POLA1: variants seen among roughly 807,000 people sequenced by gnomAD.
The protein encoded by POLA1 is DNA polymerase alpha 1, catalytic subunit.
A neutral mutation model predicts 124.0 loss-of-function variants in POLA1; 15 were observed. That is an observed-to-expected ratio of 0.12 (90% CI 0.08 to 0.19). The LOEUF is 0.19. POLA1 is among the 10% of genes least tolerant of loss of function. The pLI is 1.00. For synonymous variants in POLA1, 408 were observed against 389.4 expected (o/e 1.05, Z -0.56); for missense variants, 886 against 1,103.4 (o/e 0.80, Z 2.79).
intron 34 of POLA1, among the ~76,000 whole-genome samples, chrX:24,883,440 G>A (rs753369771): frequency 1.8e-5 from 2 of 112,147 alleles, no homozygotes; most frequent in South Asian, 3.8e-4. Flanking sequence ...TGTGTTTAAG[G>A]TGCAACTACT....
intron 32 of POLA1, among the ~76,000 whole-genome samples, chrX:24,839,497 C>G (rs2046383862): frequency 9.0e-6 from 1 of 111,656 alleles, no homozygotes; most frequent in Non-Finnish European, 1.9e-5. Flanking sequence ...ACAAGATGGC[C>G]CACACCCACT....
At chrX:24,804,995 A>T (rs2045774856) in intron 26 of POLA1, among the ~76,000 whole-genome samples, 1 of 111,465 alleles carries the variant, frequency 9.0e-6, no homozygotes, top group African/African-American at 3.3e-5. Flanking sequence ...TGAACACATT[A>T]TTTTCTTTAG....
At chrX:24,835,982 A>G (rs1002674595) in intron 32 of POLA1, among the ~76,000 whole-genome samples, 4 of 111,733 alleles carry the variant, frequency 3.6e-5, no homozygotes, top group Non-Finnish European at 7.5e-5. Flanking sequence ...CAAGGTCATC[A>G]TGCACTAGTG....
At chrX:24,971,296 C>T (rs1485057091) in intron 36 of POLA1, among the ~76,000 whole-genome samples, 1 of 112,054 alleles carries the variant, frequency 8.9e-6, no homozygotes, top group Non-Finnish European at 1.9e-5. Context: ...CCGGGATGCC[C>T]CTTACACCTG....
intron 34 of POLA1, among the ~76,000 whole-genome samples, chrX:24,853,445 C>T (rs1439773830): frequency 8.9e-6 from 1 of 111,880 alleles, no homozygotes; most frequent in Non-Finnish European, 1.9e-5. Context: ...AGATCATTTA[C>T]CCATGCATGA....
chrX:24,782,012 G>A (rs2045274954), intron 26 of POLA1, among the ~76,000 whole-genome samples: 1 of 111,546 alleles, frequency 9.0e-6, no homozygotes, highest in African/African-American at 3.3e-5. Flanking sequence ...AGGCACAGGA[G>A]GTTCAGTGGT....
At chrX:24,862,829 A>G (rs1477233367) in intron 34 of POLA1, among the ~76,000 whole-genome samples, 2 of 112,431 alleles carry the variant, frequency 1.8e-5, no homozygotes, top group Non-Finnish European at 3.8e-5. Context: ...TAATGGATGA[A>G]TGAATGAGTC....
At chrX:24,876,023 A>C (rs971777621) in intron 34 of POLA1, among the ~76,000 whole-genome samples, 4 of 112,362 alleles carry the variant, frequency 3.6e-5, no homozygotes, top group Non-Finnish European at 7.5e-5. Context: ...CCTGAGTAAA[A>C]AATTCTGATA....
chrX:24,737,739 G>C lies in POLA1; in HGVS notation c.2038G>C (p.Gly680Arg), dbSNP rs749750264. 17 of 1,011,236 alleles carry C rather than the reference G, an allele frequency of 1.7e-5. No homozygotes were observed. The East Asian group carries it at 5.2e-4, about 31-fold the overall frequency. The allele number at this position is 1,011,236 out of a possible 1,213,427, so 83.3% of individuals were successfully genotyped here. A position where few individuals can be genotyped will look rare whatever the true frequency, so the allele number is the denominator to read the frequency against. The change falls in exon 19 of 37, where the codon GGG (glycine) becomes CGG (arginine). Residue 680 changes from glycine (G) to arginine (R), a missense_variant and splice_region_variant. Gly to Arg is a moderately radical substitution (Grantham distance 125). Coordinates refer to ENST00000379068, the MANE Select transcript of POLA1 (RefSeq NM_001330360.2). Reference protein sequence around the residue: ...RLKRSNMPKLGGRSGFGERNA... With the variant: ...RLKRSNMPKLRGRSGFGERNA... ...GAAGCGATCCAACATGCCAAAGCTT[G>C]GGGTAATAATAATTTTCAAAATCTT...
At chrX:24,696,076 C>T (rs906478788) in intron 1 of POLA1, among the ~76,000 whole-genome samples, 25 of 112,622 alleles carry the variant, frequency 2.2e-4, no homozygotes, top group South Asian at 7.3e-4. Context: ...TTACATGAGC[C>T]GCTCCTATAT....
chrX:24,738,219 CAAAAAAAAAAAA>C (rs755084911), intron 19 of POLA1, among the ~76,000 whole-genome samples: 7 of 11,246 alleles, frequency 6.2e-4, no homozygotes, highest in East Asian at 0.011. Flanking sequence ...GACTCCGTCT[CAAAAAAAAAAAA>C]AAAAAAAAAA....
chrX:24,703,480 C>T (rs1296314735), intron 3 of POLA1, 133 bp downstream of exon 3: 1 of 443,938 alleles, frequency 2.3e-6, no homozygotes. Flanking sequence ...AGGATCTTAC[C>T]TTTGGTTTGG....
intron 30 of POLA1, among the ~76,000 whole-genome samples, chrX:24,817,495 C>G (rs1021930771): frequency 3.7e-5 from 4 of 106,739 alleles, no homozygotes; most frequent in Non-Finnish European, 7.7e-5. Flanking sequence ...GTAATCCCAG[C>G]TACTCAAGAG....
chrX:24,874,254 C>G (rs973390057), intron 34 of POLA1, among the ~76,000 whole-genome samples: 4 of 112,047 alleles, frequency 3.6e-5, no homozygotes, highest in Non-Finnish European at 7.5e-5. Flanking sequence ...CTGTTTTCAC[C>G]AGCACTCCTA....
chrX:24,873,001 T>G (rs1034018653), intron 34 of POLA1, among the ~76,000 whole-genome samples: 22 of 111,449 alleles, frequency 2.0e-4, no homozygotes, highest in African/African-American at 6.8e-4. Context: ...TCCCCTGCCA[T>G]AGTATGTTTG....
chrX:24,738,219 C>CAA (rs755084911), intron 19 of POLA1, among the ~76,000 whole-genome samples: 18 of 11,216 alleles, frequency 1.6e-3, no homozygotes, highest in Admixed American at 5.1e-3. Flanking sequence ...GACTCCGTCT[C>CAA]AAAAAAAAAA....
chrX:24,957,868 G>T (rs1426011787), intron 36 of POLA1, among the ~76,000 whole-genome samples: 8 of 110,012 alleles, frequency 7.3e-5, no homozygotes, highest in Non-Finnish European at 1.3e-4. Context: ...GAGACGCGAG[G>T]AAAGTAGTTG....
intron 36 of POLA1, among the ~76,000 whole-genome samples, chrX:24,984,377 T>G (rs1024039725): frequency 2.7e-5 from 3 of 112,086 alleles, no homozygotes; most frequent in African/African-American, 9.7e-5. Flanking sequence ...CCTAATATGC[T>G]CATTTCATCT....
intron 34 of POLA1, 102 bp downstream of exon 34, chrX:24,843,779 A>G (rs1427182889): frequency 1.2e-5 from 6 of 486,951 alleles, no homozygotes; most frequent in Non-Finnish European, 1.9e-5. Flanking sequence ...CTTTTGGGAA[A>G]AATTCCTAGT....
Sources: gnomAD v4.1 joint callset for allele counts (sites outside exome capture counted in the v4.1 genomes callset) on GRCh38, gnomAD v4.1.1 for gene constraint, MANE v1.5 for transcripts, NCBI Gene and HGNC (gene_info 2026-07-23, HGNC 2026-07-21) for gene names.